Variants in TRPS1 observed in about 807,000 individuals in gnomAD.
The protein encoded by TRPS1 is transcriptional repressor GATA binding 1, also known as zinc finger transcription factor Trps1.
In TRPS1, 6 loss-of-function variants were observed where a neutral mutation model predicts 101.2. That is an observed-to-expected ratio of 0.06 (90% CI 0.03 to 0.12). The LOEUF is 0.12. Ranked by LOEUF, TRPS1 falls within the 10% of genes least tolerant of loss-of-function variation. TRPS1 has a pLI of 1.00. For synonymous variants in TRPS1, 578 were observed against 589.8 expected (o/e 0.98, Z 0.29); for missense variants, 1,363 against 1,567.0 (o/e 0.87, Z 2.20).
chr8:115,572,759 A>C (rs1586416648), intron 5 of TRPS1, among the ~76,000 whole-genome samples: 1 of 152,296 alleles, frequency 6.6e-6, no homozygotes, highest in South Asian at 2.1e-4. Context: ...ATGCCTTACA[A>C]ACTTGGTAAG....
At chr8:115,623,083 CTTAA>C (rs1473738101) in intron 2 of TRPS1, among the ~76,000 whole-genome samples, 1 of 151,952 alleles carries the variant, frequency 6.6e-6, no homozygotes, top group Admixed American at 6.6e-5. Context: ...GAAAATATGA[CTTAA>C]TTAAATTATC....
At chr8:115,635,469 T>C (rs1368023430) in intron 1 of TRPS1, among the ~76,000 whole-genome samples, 8 of 152,178 alleles carry the variant, frequency 5.3e-5, no homozygotes, top group Admixed American at 5.2e-4. Flanking sequence ...GCCAACTATG[T>C]GTCAGGCATT....
intron 1 of TRPS1, among the ~76,000 whole-genome samples, chr8:115,631,017 A>C (rs1818629547): frequency 6.6e-6 from 1 of 152,106 alleles, no homozygotes; most frequent in Non-Finnish European, 1.5e-5. Context: ...TGAATATACA[A>C]TCTTCCCAAT....
intron 5 of TRPS1, among the ~76,000 whole-genome samples, chr8:115,584,932 G>A (rs1393469003): frequency 1.3e-5 from 2 of 152,030 alleles, no homozygotes; most frequent in African/African-American, 4.8e-5. Context: ...AATATAAAAT[G>A]TGAATCTTAA....
intron 3 of TRPS1, among the ~76,000 whole-genome samples, chr8:115,605,313 A>T (rs1388357091): frequency 6.6e-6 from 1 of 152,246 alleles, no homozygotes; most frequent in Non-Finnish European, 1.5e-5. Context: ...TTTTCAACAC[A>T]GTACATTTTA....
chr8:115,415,419 T>C (rs1440346780), intron 6 of TRPS1, among the ~76,000 whole-genome samples: 1 of 152,186 alleles, frequency 6.6e-6, no homozygotes, highest in Non-Finnish European at 1.5e-5. Flanking sequence ...ATGTGATTTT[T>C]CTGAAATTTT....
intron 5 of TRPS1, among the ~76,000 whole-genome samples, chr8:115,549,862 A>G (rs1233590826): frequency 6.6e-6 from 1 of 152,078 alleles, no homozygotes; most frequent in Non-Finnish European, 1.5e-5. Flanking sequence ...GTAACCCTGG[A>G]TAGGTAACAA....
At chr8:115,417,535 G>C (rs1294899189) in intron 6 of TRPS1, among the ~76,000 whole-genome samples, 1 of 151,960 alleles carries the variant, frequency 6.6e-6, no homozygotes, top group African/African-American at 2.4e-5. Context: ...GTCAGCTCTT[G>C]TCAGCAGATG....
At chr8:115,589,466 G>A (rs1034150138) in intron 4 of TRPS1, among the ~76,000 whole-genome samples, 5 of 152,104 alleles carry the variant, frequency 3.3e-5, no homozygotes, top group Non-Finnish European at 7.4e-5. Flanking sequence ...GCTTAATGTA[G>A]CATACAAGAG....
intron 3 of TRPS1, among the ~76,000 whole-genome samples, chr8:115,613,599 T>C (rs1266314392): frequency 6.6e-6 from 1 of 152,236 alleles, no homozygotes; most frequent in African/African-American, 2.4e-5. Flanking sequence ...CCATTCTCTC[T>C]ACTTATGCAA....
intron 1 of TRPS1, among the ~76,000 whole-genome samples, chr8:115,634,021 AAC>A (rs199574673): frequency 2.2e-5 from 3 of 137,432 alleles, no homozygotes; most frequent in African/African-American, 1.1e-4. Context: ...AAACAACAAC[AAC>A]AAAAAAAAAG....
At chr8:115,487,307 T>C (rs1019768661) in intron 5 of TRPS1, among the ~76,000 whole-genome samples, 3 of 152,170 alleles carry the variant, frequency 2.0e-5, no homozygotes, top group Non-Finnish European at 4.4e-5. Context: ...ACAATGCACC[T>C]GGTTACCCCA....
chr8:115,534,855 T>C (rs1816242340), intron 5 of TRPS1, among the ~76,000 whole-genome samples: 1 of 152,068 alleles, frequency 6.6e-6, no homozygotes. Flanking sequence ...TTGGGTAAAA[T>C]ATAAATACTA....
chr8:115,659,736 A>G (rs1015290584), intron 1 of TRPS1, among the ~76,000 whole-genome samples: 10 of 151,990 alleles, frequency 6.6e-5, no homozygotes, highest in Non-Finnish European at 2.9e-5. Context: ...ATGTGCAGAT[A>G]ATGACATCAC....
chr8:115,654,198 T>C (rs559933626), intron 1 of TRPS1, among the ~76,000 whole-genome samples: 1 of 151,846 alleles, frequency 6.6e-6, no homozygotes, highest in East Asian at 1.9e-4. Flanking sequence ...ATGGCATCCA[T>C]ATTGTACTGT....
Position 115,503,761 on chromosome 8 carries a change from T to A in TRPS1, c.2700+83240A>T, listed in dbSNP as rs892547905. On this transcript the variant is annotated intron_variant, in intron 5 of 6. Coordinates refer to ENST00000395715, the MANE Select transcript of TRPS1 (RefSeq NM_014112.5). Reference sequence around the variant, plus strand: ...GTATGCAATACACATTTTGTCATCATCTTGATTGATCCTGGAGTTATTTAT... The same window carrying A: ...GTATGCAATACACATTTTGTCATCAACTTGATTGATCCTGGAGTTATTTAT... Among the ~76,000 whole-genome samples the A allele has an allele frequency of 7.2e-5, 11 of 152,360 alleles. 1 individual carries two copies. Among genetic ancestry groups the A allele is most frequent in the African/African-American group, 2.4e-4 (10 of 41,582 alleles).
intron 5 of TRPS1, among the ~76,000 whole-genome samples, chr8:115,462,267 C>T (rs1814198961): frequency 6.6e-6 from 1 of 152,160 alleles, no homozygotes; most frequent in Non-Finnish European, 1.5e-5. Flanking sequence ...CTATCAGTTA[C>T]TGGGGCAGAA....
At chr8:115,432,325 G>C (rs1813340856) in intron 5 of TRPS1, among the ~76,000 whole-genome samples, 2 of 151,740 alleles carry the variant, frequency 1.3e-5, no homozygotes, top group South Asian at 4.1e-4. Context: ...TGAAAGAAAT[G>C]TAAGGTGGCT....
chr8:115,430,858 T>C (rs553438341), intron 5 of TRPS1, among the ~76,000 whole-genome samples: 3 of 152,090 alleles, frequency 2.0e-5, no homozygotes, highest in Admixed American at 6.6e-5. Context: ...ACACCAACAA[T>C]GTTGTCAAGA....
Sources: allele counts gnomAD v4.1 joint callset (sites outside exome capture counted in the v4.1 genomes callset), GRCh38; gene constraint gnomAD v4.1.1; transcripts MANE v1.5; gene names NCBI Gene and HGNC (gene_info 2026-07-23, HGNC 2026-07-21).